LYRM7: variants seen among roughly 807,000 people sequenced by gnomAD.
The protein encoded by LYRM7 is complex III assembly factor LYRM7.
In LYRM7, 9 loss-of-function variants were observed where a neutral mutation model predicts 15.8. That is an observed-to-expected ratio of 0.57 (90% CI 0.34 to 0.99). The LOEUF is 0.99. Ranked by LOEUF, LYRM7 falls within the 50% of genes least tolerant of loss-of-function variation. LYRM7 has a pLI of 0.02. For synonymous variants in LYRM7, 39 were observed against 39.4 expected (o/e 0.99, Z 0.04); for missense variants, 115 against 119.1 (o/e 0.97, Z 0.16).
intron 4 of LYRM7, among the ~76,000 whole-genome samples, chr5:131,193,702 C>G (rs1317486840): frequency 6.6e-6 from 1 of 152,050 alleles, no homozygotes; most frequent in African/African-American, 2.4e-5. Context: ...GAGATAAAGA[C>G]TTTATTTCAA....
chr5:131,184,738 A>G (rs1224807767), intron 3 of LYRM7, among the ~76,000 whole-genome samples: 1 of 151,104 alleles, frequency 6.6e-6, no homozygotes, highest in Admixed American at 6.6e-5. Context: ...TTCCAGCCTT[A>G]TATCTAGGAC....
rs1240006639 is a variant in LYRM7 at position 131,177,968 on chromosome 5, G to A, written c.19-2127G>A. Among the ~76,000 whole-genome samples the A allele has an allele frequency of 7.2e-5, 11 of 151,970 alleles. No individual in the cohort carries two copies. The East Asian group carries it at 2.1e-3, about 29-fold the overall frequency. On this transcript the variant is annotated intron_variant, in intron 1 of 4. Coordinates refer to ENST00000379380, the MANE Select transcript of LYRM7 (RefSeq NM_181705.4). ...CTCAACTTAATCCTTACTTTCACCTGTTTGATAGCCAAGAGCTTTTGGGAG... is the reference window on the plus strand; with the variant it reads ...CTCAACTTAATCCTTACTTTCACCTATTTGATAGCCAAGAGCTTTTGGGAG...
At chr5:131,181,991 G>A (rs528257314) in intron 2 of LYRM7, among the ~76,000 whole-genome samples, 2 of 152,132 alleles carry the variant, frequency 1.3e-5, no homozygotes, top group Non-Finnish European at 2.9e-5. Context: ...AAAAATCAGT[G>A]GAAGAAAAAA....
chr5:131,181,472 TATATAAC>T lies in LYRM7; in HGVS notation c.92-751_92-745del, dbSNP rs1459256000. Among the ~76,000 whole-genome samples the T allele has an allele frequency of 2.8e-3, 358 of 129,260 alleles. 5 individuals are homozygous for T. Among genetic ancestry groups the T allele is most frequent in the African/African-American group, 0.01 (343 of 33,952 alleles). The allele number at this position is 129,260 out of a possible 152,430, so 84.8% of individuals were successfully genotyped here. A position where few individuals can be genotyped will look rare whatever the true frequency, so the allele number is the denominator to read the frequency against. On this transcript the variant is annotated intron_variant, in intron 2 of 4. Coordinates refer to ENST00000379380, the MANE Select transcript of LYRM7 (RefSeq NM_181705.4). The stretch of plus-strand genomic sequence containing the variant: ...TATATAAAACATATATATGTATATA[TATATAAC>T]ATATATATGTATATATACACACACA...
In LYRM7 at chr5:131,197,616, A is replaced by T. The variant is rs116692985; in HGVS notation, c.245-1915A>T. 8.1e-3 allele frequency among the ~76,000 whole-genome samples: 1,075 copies of T among 133,214 alleles called. 17 individuals are homozygous for T. Among genetic ancestry groups the T allele is most frequent in the African/African-American group, 0.029 (1,020 of 34,806 alleles). The allele number at this position is 133,214 out of a possible 152,430, so 87.4% of individuals were successfully genotyped here. On this transcript the variant is annotated intron_variant, in intron 4 of 4. Transcript: ENST00000379380. ...GAGTGCAGTAGCATAATTATTGCTCACTGTAATCTCAAACTCCTGGGCTCA... is the reference window on the plus strand; with the variant it reads ...GAGTGCAGTAGCATAATTATTGCTCTCTGTAATCTCAAACTCCTGGGCTCA...
In LYRM7 at chr5:131,199,545, A is replaced by G. The variant is rs1334549454; in HGVS notation, c.259A>G (p.Lys87Glu). The G allele has an allele frequency of 6.2e-7, 1 of 1,601,940 alleles. No individual in the cohort carries two copies. The highest frequency in any genetic ancestry group is 1.7e-5 in the Admixed American group (1 of 58,746). ...DHNTLKLVPR[K>E]DLLVENVPYC... ...TTTTCTTTCAGAACTGGTCCCTAGG[A>G]AAGACCTTCTTGTAGAAAATGTGCC... is the stretch of plus-strand genomic sequence containing the variant. The change falls in exon 5 of 5, where the codon AAA becomes GAA. Residue 87 changes from lysine (K) to glutamate (E), a missense_variant. Transcript: ENST00000379380.
intron 4 of LYRM7, among the ~76,000 whole-genome samples, chr5:131,187,321 ATCT>A (rs1045055328): frequency 7.9e-5 from 12 of 151,998 alleles, no homozygotes; most frequent in African/African-American, 2.7e-4. Context: ...TTTTATTTTT[ATCT>A]TCTTATATTT....
chr5:131,189,836 AATT>A (rs1348576962), intron 4 of LYRM7, among the ~76,000 whole-genome samples: 1 of 152,132 alleles, frequency 6.6e-6, no homozygotes, highest in Non-Finnish European at 1.5e-5. Context: ...ACTTATCAGA[AATT>A]ATTAGATCTT....
intron 4 of LYRM7, among the ~76,000 whole-genome samples, chr5:131,194,712 A>G (rs891237301): frequency 1.3e-5 from 2 of 152,170 alleles, no homozygotes; most frequent in African/African-American, 4.8e-5. Flanking sequence ...CTTGTGTTCC[A>G]TGAGGGTAAA....
At chr5:131,184,165 C>A (rs139757676) in intron 3 of LYRM7, among the ~76,000 whole-genome samples, 1,639 of 152,166 alleles carry the variant, frequency 0.011, 19 homozygotes, top group African/African-American at 0.037. Context: ...ACGGGTTTCA[C>A]CATGTTGGCC....
intron 2 of LYRM7, 124 bp from the exon 3 acceptor site, chr5:131,182,105 G>C: frequency 1.1e-6 from 1 of 871,002 alleles, no homozygotes; most frequent in South Asian, 1.9e-5. Flanking sequence ...CTTATGCTTT[G>C]TTTTTCATGA....
Position 131,200,958 on chromosome 5 carries a change from T to C in LYRM7, c.*1357T>C, listed in dbSNP as rs558442165. On this transcript the variant is annotated 3_prime_UTR_variant, in exon 5 of 5. Transcript: ENST00000379380. ...CCAGATTTCTTTCTTATAGTCATTA[T>C]TAGTAGCAGATGAGATTAATAATTC... is the stretch of plus-strand genomic sequence containing the variant. 39 of 152,294 alleles carry C rather than the reference T, an allele frequency of 2.6e-4. No homozygotes were observed. Among genetic ancestry groups the C allele is most frequent in the African/African-American group, 9.1e-4 (38 of 41,572 alleles). The allele number at this position is 152,294 out of a possible 1,614,324, so 9.4% of individuals were successfully genotyped here. A position where few individuals can be genotyped will look rare whatever the true frequency, so the allele number is the denominator to read the frequency against.
At chr5:131,192,296 A>G (rs552591401) in intron 4 of LYRM7, among the ~76,000 whole-genome samples, 60 of 152,310 alleles carry the variant, frequency 3.9e-4, no homozygotes, top group African/African-American at 1.4e-3. Flanking sequence ...GGGGATAGCT[A>G]GAGGTTGGTT....
In LYRM7 at chr5:131,201,654, G is replaced by A. The variant is rs765610009; in HGVS notation, c.*2053G>A. Reference sequence around the variant, plus strand: ...GAATTGCTTGAACCCAGGAGACGGAGGTTGCAGTGAGCCGAGATCGCACCA... The same window carrying A: ...GAATTGCTTGAACCCAGGAGACGGAAGTTGCAGTGAGCCGAGATCGCACCA... On this transcript the variant is annotated 3_prime_UTR_variant, in exon 5 of 5. Coordinates refer to ENST00000379380, the MANE Select transcript of LYRM7 (RefSeq NM_181705.4). 10 of 152,328 alleles carry A rather than the reference G, an allele frequency of 6.6e-5. No homozygotes were observed. Among genetic ancestry groups the A allele is most frequent in the African/African-American group, 2.4e-4 (10 of 41,444 alleles). The allele number at this position is 152,328 out of a possible 1,614,324, so 9.4% of individuals were successfully genotyped here.
intron 3 of LYRM7, among the ~76,000 whole-genome samples, chr5:131,184,919 G>A (rs1478682485): frequency 6.6e-6 from 1 of 151,972 alleles, no homozygotes; most frequent in Non-Finnish European, 1.5e-5. Context: ...AAAAACCTTG[G>A]TGCTTTCTTG....
At position 131,204,292 on chromosome 5, in the gene LYRM7, A is replaced by G. The variant is rs1756130594; in HGVS notation, c.*4691A>G. Reference sequence around the variant, plus strand: ...TTTAAATATATTCAGTCTATTTCTCAAAAACTCAAAGAATACTAATAAATG... The same window carrying G: ...TTTAAATATATTCAGTCTATTTCTCGAAAACTCAAAGAATACTAATAAATG... On this transcript the variant is annotated 3_prime_UTR_variant, in exon 5 of 5. Coordinates refer to ENST00000379380, the MANE Select transcript of LYRM7 (RefSeq NM_181705.4). The G allele has an allele frequency of 6.6e-6, 1 of 151,904 alleles. No individual in the cohort carries two copies. The highest frequency in any genetic ancestry group is 2.1e-4 in the South Asian group (1 of 4,828). The allele number at this position is 151,904 out of a possible 1,614,324, so 9.4% of individuals were successfully genotyped here.
At chr5:131,190,073 G>A (rs1363167203) in intron 4 of LYRM7, among the ~76,000 whole-genome samples, 1 of 150,318 alleles carries the variant, frequency 6.7e-6, no homozygotes, top group African/African-American at 2.5e-5. Context: ...GGCGGATATT[G>A]CAATGACCCG....
chr5:131,181,455 AC>A lies in LYRM7; in HGVS notation c.92-773del, dbSNP rs1335746427. ...ACATATATATGTATATATATATAAA[AC>A]ATATATATGTATATATATATAACAT... On this transcript the variant is annotated intron_variant, in intron 2 of 4. Coordinates refer to ENST00000379380, the MANE Select transcript of LYRM7 (RefSeq NM_181705.4). Among the ~76,000 whole-genome samples the A allele has an allele frequency of 3.7e-4, 47 of 127,202 alleles. No homozygotes were observed. In the East Asian group the frequency reaches 4.5e-3, roughly 12 times the overall value. 83.4% of individuals were successfully genotyped at this position (127,202 alleles called of 152,430 possible).
rs902968019 is a variant in LYRM7, at chr5:131,200,084, C to G, written c.*483C>G. 2 of 152,288 alleles carry G rather than the reference C, an allele frequency of 1.3e-5. No individual in the cohort carries two copies. The highest frequency in any genetic ancestry group is 4.8e-5 in the African/African-American group (2 of 41,434). 9.4% of individuals were successfully genotyped at this position (152,288 alleles called of 1,614,324 possible). ...CTCTACAGAAAGTGGCCTTTGTTTT[C>G]TAAAGCACTGGGATTATTTCTGTAG... On this transcript the variant is annotated 3_prime_UTR_variant, in exon 5 of 5. Transcript: ENST00000379380.
Sources: allele counts gnomAD v4.1 joint callset (sites outside exome capture counted in the v4.1 genomes callset), GRCh38; gene constraint gnomAD v4.1.1; transcripts MANE v1.5; gene names NCBI Gene and HGNC (gene_info 2026-07-23, HGNC 2026-07-21).